Variants in CSTF3 observed in about 807,000 individuals in gnomAD.
CSTF3 encodes cleavage stimulation factor subunit 3, also known as CF-1 77 kDa subunit.
A neutral mutation model predicts 105.8 loss-of-function variants in CSTF3; 29 were observed. That is an observed-to-expected ratio of 0.27 (90% CI 0.20 to 0.37). The LOEUF (loss-of-function observed/expected upper bound fraction) is 0.37, where lower values mean the gene tolerates loss of function less well. Among genes scored for constraint, CSTF3 ranks in the 10% least tolerant of loss-of-function variants. CSTF3 has a pLI of 1.00. For synonymous variants in CSTF3, 252 were observed against 281.9 expected (o/e 0.89, Z 1.06); for missense variants, 357 against 879.3 (o/e 0.41, Z 7.51).
intron 5 of CSTF3, 112 bp from the exon 6 acceptor site, chr11:33,106,176 G>A (rs570805601): frequency 6.8e-5 from 49 of 719,008 alleles, no homozygotes; most frequent in Middle Eastern, 3.6e-4. Context: ...TTGGGAGGCC[G>A]AGGCAGAAGG....
chr11:33,113,528 A>C (rs1855401408), intron 3 of CSTF3, among the ~76,000 whole-genome samples: 1 of 152,128 alleles, frequency 6.6e-6, no homozygotes, highest in Admixed American at 6.6e-5. Flanking sequence ...ACAAACAAAC[A>C]AACAAAAAAC....
chr11:33,154,810 AGAG>A (rs1849839117), intron 1 of CSTF3, among the ~76,000 whole-genome samples: 2 of 152,180 alleles, frequency 1.3e-5, no homozygotes, highest in East Asian at 3.9e-4. Context: ...AGACTTTCAT[AGAG>A]GAGTAACCTA....
intron 1 of CSTF3, among the ~76,000 whole-genome samples, chr11:33,159,847 G>GGT (rs1464820639): frequency 6.6e-6 from 1 of 152,040 alleles, no homozygotes; most frequent in African/African-American, 2.4e-5. Context: ...TTGTCCTACA[G>GGT]GTGTTCACTG....
chr11:33,103,152 A>T lies in CSTF3; in HGVS notation c.618T>A (p.Ile206=). Residue 206 remains isoleucine, a synonymous_variant, in exon 9 of 21, where the codon ATT becomes ATA. Coordinates refer to ENST00000323959, the MANE Select transcript of CSTF3 (RefSeq NM_001326.3). The part of the protein sequence containing the change: ...GINIHLAKKM[I]EDRSRDYMNA... ...TCATATAATCTCTACTCCGATCTTC[A>T]ATCATTTTTTTAGCTAAATGAATAT... 6.4e-7 allele frequency: 1 copy of T among 1,569,714 alleles called. No individual in the cohort carries two copies. The highest frequency in any genetic ancestry group is 8.6e-7 in the Non-Finnish European group (1 of 1,160,860).
chr11:33,149,709 C>A (rs1430328780), intron 1 of CSTF3, among the ~76,000 whole-genome samples: 1 of 152,088 alleles, frequency 6.6e-6, no homozygotes, highest in Non-Finnish European at 1.5e-5. Context: ...AATGGTGAAA[C>A]CCCATCTCTA....
chr11:33,132,170 A>G (rs981270350), intron 3 of CSTF3, among the ~76,000 whole-genome samples: 6 of 152,294 alleles, frequency 3.9e-5, no homozygotes, highest in South Asian at 4.1e-4. Context: ...ATTTCTGCAT[A>G]TATCCTTTAT....
At chr11:33,116,325 A>C (rs1386851854) in intron 3 of CSTF3, among the ~76,000 whole-genome samples, 1 of 152,176 alleles carries the variant, frequency 6.6e-6, no homozygotes, top group East Asian at 1.9e-4. Context: ...TGAAAACATA[A>C]AACTAATGAT....
chr11:33,113,728 G>T (rs1855403554), intron 3 of CSTF3, among the ~76,000 whole-genome samples: 2 of 151,524 alleles, frequency 1.3e-5, no homozygotes, highest in South Asian at 4.2e-4. Context: ...GCAATATCAA[G>T]ATCAATTAAC....
chr11:33,128,340 A>C (rs2133791087), intron 3 of CSTF3, among the ~76,000 whole-genome samples: 1 of 152,272 alleles, frequency 6.6e-6, no homozygotes, highest in South Asian at 2.1e-4. Context: ...ATACTCAAAT[A>C]GAAACTAAAA....
chr11:33,086,162 GT>G (rs1565000246), intron 18 of CSTF3, among the ~76,000 whole-genome samples, 173 bp from the exon 19 acceptor site: 3 of 152,134 alleles, frequency 2.0e-5, no homozygotes, highest in African/African-American at 7.2e-5. Context: ...TCTCAATGCC[GT>G]GGCCACTGGG....
intron 3 of CSTF3, among the ~76,000 whole-genome samples, chr11:33,124,018 C>T (rs972332435): frequency 2.0e-5 from 3 of 151,700 alleles, no homozygotes; most frequent in Non-Finnish European, 4.4e-5. Context: ...TTCTCAAAAC[C>T]GTATTCCAAA....
chr11:33,120,895 T>C (rs446679), intron 3 of CSTF3, among the ~76,000 whole-genome samples: 102,935 of 151,334 alleles, frequency 0.68, 35,213 homozygotes, highest in Non-Finnish European at 0.72. Context: ...AAAATATTAA[T>C]TTAAAACCTC....
At chr11:33,092,609 T>G (rs1020586236) in intron 15 of CSTF3, among the ~76,000 whole-genome samples, 1 of 152,224 alleles carries the variant, frequency 6.6e-6, no homozygotes, top group African/African-American at 2.4e-5. Flanking sequence ...ACTGCAGTTC[T>G]AATGCAAAAC....
intron 1 of CSTF3, 119 bp downstream of exon 1, chr11:33,161,180 A>T: frequency 9.4e-7 from 1 of 1,066,800 alleles, no homozygotes; most frequent in African/African-American, 1.6e-5. Context: ...TCTTCTATAT[A>T]CCCTGTCCCC....
At chr11:33,161,073 T>C (rs1327948256) in intron 1 of CSTF3, among the ~76,000 whole-genome samples, 5 of 152,074 alleles carry the variant, frequency 3.3e-5, no homozygotes, top group Non-Finnish European at 7.4e-5. Flanking sequence ...AGCCTACCGC[T>C]ATTGTCTAAA....
At chr11:33,103,037 G>T in intron 9 of CSTF3, 70 bp downstream of exon 9, 2 of 1,005,566 alleles carry the variant, frequency 2.0e-6, no homozygotes, top group South Asian at 1.6e-5. Flanking sequence ...AGTAATACCA[G>T]ACAGGGAAAG....
chr11:33,102,402 G>T, intron 9 of CSTF3, 63 bp from the exon 10 acceptor site: 1 of 1,516,214 alleles, frequency 6.6e-7, no homozygotes, highest in Non-Finnish European at 9.1e-7. Context: ...ATGGCGGATG[G>T]GGTAGATCAG....
At chr11:33,097,532 G>A (rs1855235831) in intron 13 of CSTF3, among the ~76,000 whole-genome samples, 1 of 152,134 alleles carries the variant, frequency 6.6e-6, no homozygotes, top group African/African-American at 2.4e-5. Flanking sequence ...ACCACACCCG[G>A]CTAATTTTTG....
chr11:33,109,923 A>G (rs1855362977), intron 3 of CSTF3, among the ~76,000 whole-genome samples: 1 of 152,126 alleles, frequency 6.6e-6, no homozygotes, highest in African/African-American at 2.4e-5. Flanking sequence ...TGTCCAGTAG[A>G]TTCCCCAGGC....
Sources: gnomAD v4.1 joint callset for allele counts (sites outside exome capture counted in the v4.1 genomes callset) on GRCh38, gnomAD v4.1.1 for gene constraint, MANE v1.5 for transcripts, NCBI Gene and HGNC (gene_info 2026-07-23, HGNC 2026-07-21) for gene names.